The following SPOCK3 variants were observed in gnomAD, a reference collection of about 807,000 sequenced individuals.
The protein encoded by SPOCK3 is testican-3.
SPOCK3 carries 30 observed loss-of-function variants against 56.6 expected under a neutral mutation model. The observed-to-expected ratio is 0.53, with a 90% CI of 0.40 to 0.72. SPOCK3 has a LOEUF of 0.72. Among genes scored for constraint, SPOCK3 ranks in the 30% least tolerant of loss-of-function variants. The pLI is 0.00. For synonymous variants in SPOCK3, 196 were observed against 183.3 expected, an observed-to-expected ratio of 1.07 and a Z score of -0.56; for missense variants, 527 against 530.0, an observed-to-expected ratio of 0.99 and a Z score of 0.06.
chr4:167,134,737 T>C (rs565159255), intron 2 of SPOCK3, among the ~76,000 whole-genome samples: 30 of 152,288 alleles, frequency 2.0e-4, no homozygotes, highest in Non-Finnish European at 3.5e-4. Flanking sequence ...TTCTATTATG[T>C]TGTTGCATAC....
chr4:167,021,017 A>G (rs1372351100), intron 3 of SPOCK3, among the ~76,000 whole-genome samples: 2 of 152,156 alleles, frequency 1.3e-5, no homozygotes, highest in East Asian at 3.9e-4. Flanking sequence ...ACTTTTCCTG[A>G]GAATGAAATT....
intron 4 of SPOCK3, among the ~76,000 whole-genome samples, chr4:166,966,813 G>A (rs1025167918): frequency 6.6e-6 from 1 of 151,976 alleles, no homozygotes; most frequent in Non-Finnish European, 1.5e-5. Context: ...GCAGAGTCTT[G>A]GGGATCCCAA....
chr4:166,846,595 A>C lies in SPOCK3; in HGVS notation c.589+42535T>G, dbSNP rs933811667. Among the ~76,000 whole-genome samples, 3 of 152,208 alleles carry C rather than the reference A, an allele frequency of 2.0e-5. No individual in the cohort carries two copies. In the East Asian group the frequency reaches 5.8e-4, roughly 29 times the overall value. ...TACATTTTTGTCAGACAGTTGGTAA[A>C]ATACTTTAAAGCCTGTTTTTATTTT... On this transcript the variant is annotated intron_variant, in intron 6 of 10. Transcript: ENST00000357545.
intron 2 of SPOCK3, chr4:167,083,232 G>C (rs1215963792): frequency 1.3e-6 from 1 of 765,378 alleles, no homozygotes; most frequent in Non-Finnish European, 2.4e-6. Context: ...CCAACCCAAA[G>C]CAAACCTCTA....
intron 2 of SPOCK3, among the ~76,000 whole-genome samples, chr4:167,098,452 C>G (rs1759351669): frequency 6.6e-6 from 1 of 151,988 alleles, no homozygotes; most frequent in Non-Finnish European, 1.5e-5. Context: ...GAGATATAAA[C>G]TATCTATCTC....
chr4:167,083,470 A>G (rs978261449), intron 2 of SPOCK3, among the ~76,000 whole-genome samples: 6 of 152,124 alleles, frequency 3.9e-5, no homozygotes, highest in Admixed American at 3.3e-4. Context: ...AGCTGAGTGT[A>G]CAACCTGGTA....
At chr4:166,800,183 G>GAAAAAAAAAAAAAAAAAAAAAAAAAAAA (rs367811359) in intron 6 of SPOCK3, among the ~76,000 whole-genome samples, 14 of 51,780 alleles carry the variant, frequency 2.7e-4, no homozygotes, top group Admixed American at 7.5e-4. Context: ...CTCCATCTCA[G>GAAAAAAAAAAAAAAAAAAAAAAAAAAAA]AAAAAAAAAA....
intron 4 of SPOCK3, among the ~76,000 whole-genome samples, chr4:166,971,359 TC>T (rs1368570873): frequency 1.3e-5 from 2 of 152,176 alleles, no homozygotes; most frequent in African/African-American, 4.8e-5. Flanking sequence ...AGTGCTTGAC[TC>T]TTTTAGAAGG....
chr4:166,977,896 C>A (rs898540175), intron 4 of SPOCK3, among the ~76,000 whole-genome samples: 1 of 152,120 alleles, frequency 6.6e-6, no homozygotes, highest in African/African-American at 2.4e-5. Context: ...GATAAAACTG[C>A]AACTGCATAT....
At chr4:167,217,885 G>C (rs145304159) in intron 2 of SPOCK3, among the ~76,000 whole-genome samples, 1 of 150,902 alleles carries the variant, frequency 6.6e-6, no homozygotes, top group Non-Finnish European at 1.5e-5. Context: ...CCATCTAGGA[G>C]GAAGTTATTT....
chr4:166,968,295 G>T (rs114359118), intron 4 of SPOCK3, among the ~76,000 whole-genome samples: 1,932 of 152,284 alleles, frequency 0.013, 19 homozygotes, highest in Non-Finnish European at 0.019. Context: ...GCAGAAATTT[G>T]CATAATTAAG....
At chr4:167,127,467 G>A (rs1000799678) in intron 2 of SPOCK3, among the ~76,000 whole-genome samples, 15 of 150,330 alleles carry the variant, frequency 1.0e-4, no homozygotes, top group Non-Finnish European at 2.2e-4. Flanking sequence ...TCACTCTGTC[G>A]CCCAGGCTGA....
intron 2 of SPOCK3, among the ~76,000 whole-genome samples, chr4:167,200,987 A>C (rs13127139): frequency 0.04 from 6,142 of 152,138 alleles, 165 homozygotes; most frequent in Middle Eastern, 0.075. Context: ...CTCTTGCTGC[A>C]TAGGTTATTA....
intron 6 of SPOCK3, among the ~76,000 whole-genome samples, chr4:166,817,367 T>C (rs1214078415): frequency 6.6e-6 from 1 of 152,052 alleles, no homozygotes; most frequent in East Asian, 1.9e-4. Context: ...TTCATCTTCT[T>C]CTAAGGCTGT....
At chr4:167,211,530 A>C (rs1001507935) in intron 2 of SPOCK3, among the ~76,000 whole-genome samples, 5 of 152,120 alleles carry the variant, frequency 3.3e-5, no homozygotes, top group African/African-American at 9.7e-5. Context: ...TCTATGAGGT[A>C]ATTGAATCAT....
At chr4:166,870,012 C>T (rs2126941556) in intron 6 of SPOCK3, among the ~76,000 whole-genome samples, 1 of 152,142 alleles carries the variant, frequency 6.6e-6, no homozygotes, top group South Asian at 2.1e-4. Context: ...CTACGATGTC[C>T]TCATGGGGAG....
At chr4:166,881,924 C>T (rs974904603) in intron 6 of SPOCK3, among the ~76,000 whole-genome samples, 1 of 152,100 alleles carries the variant, frequency 6.6e-6, no homozygotes, top group Non-Finnish European at 1.5e-5. Context: ...CAAACATCTC[C>T]TTATTATCGT....
chr4:167,039,559 C>T (rs1753069290), intron 3 of SPOCK3, among the ~76,000 whole-genome samples: 1 of 151,262 alleles, frequency 6.6e-6, no homozygotes, highest in Non-Finnish European at 1.5e-5. Flanking sequence ...GCATTGACAT[C>T]CATTTTCTTC....
chr4:166,736,975 C>T (rs1035064430), intron 10 of SPOCK3, among the ~76,000 whole-genome samples: 2 of 152,212 alleles, frequency 1.3e-5, no homozygotes, highest in South Asian at 2.1e-4. Flanking sequence ...ACATTTTCCT[C>T]ACTCAAGCAC....
Sources: gnomAD v4.1 joint callset for allele counts (sites outside exome capture counted in the v4.1 genomes callset) on GRCh38, gnomAD v4.1.1 for gene constraint, MANE v1.5 for transcripts, NCBI Gene and HGNC (gene_info 2026-07-23, HGNC 2026-07-21) for gene names.